The following DOCK2 variants were observed in gnomAD, a reference collection of about 807,000 sequenced individuals.
DOCK2 encodes the protein dedicator of cytokinesis 2, also known as dedicator of cytokinesis protein 2.
DOCK2 carries 87 observed loss-of-function variants against 248.9 expected under a neutral mutation model. The ratio of observed to expected loss-of-function variants is 0.35; its 90% CI spans 0.29 to 0.42. The LOEUF is 0.42. DOCK2 is among the 10% of genes least tolerant of loss of function. The pLI is 1.00. For synonymous variants in DOCK2, 805 were observed against 821.6 expected, an observed-to-expected ratio of 0.98 and a Z score of 0.35; for missense variants, 1,747 against 2,300.2, an observed-to-expected ratio of 0.76 and a Z score of 4.92.
In DOCK2 at chr5:169,881,439, G is replaced by A. The variant is rs530661281; in HGVS notation, c.2799+40587G>A. The A allele has an allele frequency of 3.2e-6, 5 of 1,551,416 alleles. No homozygotes were observed. In the East Asian group the frequency reaches 1.2e-4, roughly 38 times the overall value. On this transcript the variant is annotated intron_variant, in intron 27 of 51. Transcript: ENST00000520908. ...GATCTTGGCCAGTTCGATAAAAGTTGCGCCTGCAAGACAGAGCATTTGCTG... is the reference window on the plus strand; with the variant it reads ...GATCTTGGCCAGTTCGATAAAAGTTACGCCTGCAAGACAGAGCATTTGCTG...
chr5:169,734,673 T>C (rs1351665190), intron 22 of DOCK2, among the ~76,000 whole-genome samples: 1 of 152,210 alleles, frequency 6.6e-6, no homozygotes, highest in East Asian at 1.9e-4. Context: ...ACTGGAGATA[T>C]GTTTGCGTTT....
intron 27 of DOCK2, among the ~76,000 whole-genome samples, chr5:169,970,564 T>C (rs1335405315): frequency 1.3e-5 from 2 of 152,224 alleles, no homozygotes; most frequent in Non-Finnish European, 2.9e-5. Flanking sequence ...CCAACCTCTC[T>C]GGTCCATGGT....
intron 27 of DOCK2, among the ~76,000 whole-genome samples, chr5:169,854,764 A>G (rs1770802134): frequency 1.3e-5 from 2 of 152,248 alleles, no homozygotes; most frequent in Non-Finnish European, 2.9e-5. Flanking sequence ...AGGCAATTTG[A>G]GAAGCCCTTG....
intron 28 of DOCK2, among the ~76,000 whole-genome samples, chr5:169,984,982 G>C (rs1249010529): frequency 2.6e-5 from 4 of 152,098 alleles, no homozygotes; most frequent in Non-Finnish European, 4.4e-5. Context: ...GCAGTGGCAC[G>C]ATCTTGGCTC....
intron 9 of DOCK2, among the ~76,000 whole-genome samples, chr5:169,693,184 C>T (rs943921908): frequency 4.6e-5 from 7 of 151,914 alleles, no homozygotes; most frequent in Non-Finnish European, 1.0e-4. Context: ...AAGGAGGATT[C>T]AAGTTTTAAA....
intron 27 of DOCK2, among the ~76,000 whole-genome samples, chr5:169,971,507 G>A (rs1777509057): frequency 6.7e-6 from 1 of 148,620 alleles, no homozygotes; most frequent in African/African-American, 2.5e-5. Context: ...TCATTAATGT[G>A]AAACCTTGGA....
chr5:169,687,235 T>A (rs533712447), intron 8 of DOCK2, among the ~76,000 whole-genome samples: 18 of 152,244 alleles, frequency 1.2e-4, no homozygotes, highest in African/African-American at 1.7e-4. Context: ...ATAAAAAAAA[T>A]TTGCATGGAG....
At chr5:169,803,586 C>T (rs960856385) in intron 26 of DOCK2, among the ~76,000 whole-genome samples, 5 of 152,168 alleles carry the variant, frequency 3.3e-5, no homozygotes, top group African/African-American at 4.8e-5. Context: ...TGATTTACTT[C>T]GGTTTTGTTT....
At chr5:169,790,955 G>A (rs1766300543) in intron 25 of DOCK2, among the ~76,000 whole-genome samples, 1 of 152,058 alleles carries the variant, frequency 6.6e-6, no homozygotes, top group African/African-American at 2.4e-5. Flanking sequence ...AGGTGGTGAA[G>A]GTAAAGAAAC....
intron 32 of DOCK2, among the ~76,000 whole-genome samples, chr5:170,010,480 G>A (rs1230353431): frequency 1.3e-5 from 2 of 152,170 alleles, no homozygotes; most frequent in African/African-American, 4.8e-5. Flanking sequence ...AGGAGTAAGG[G>A]CCTGCGGCAG....
intron 25 of DOCK2, 129 bp from the exon 26 acceptor site, chr5:169,802,929 T>TCC (rs1767090194): frequency 8.5e-7 from 1 of 1,173,084 alleles, no homozygotes; most frequent in East Asian, 2.6e-5. Context: ...TAATCTTTAA[T>TCC]ATTTTAATTT....
intron 27 of DOCK2, among the ~76,000 whole-genome samples, chr5:169,854,688 T>C (rs1461509307): frequency 6.6e-6 from 1 of 152,372 alleles, no homozygotes; most frequent in East Asian, 1.9e-4. Context: ...TTCCTTGAAA[T>C]GTCTCCATTA....
intron 1 of DOCK2, among the ~76,000 whole-genome samples, chr5:169,638,432 C>T (rs899335368): frequency 6.6e-6 from 1 of 152,154 alleles, no homozygotes; most frequent in African/African-American, 2.4e-5. Flanking sequence ...AGCTTCTGCC[C>T]TTGAGGAGTT....
chr5:169,827,128 A>G (rs367812228), intron 26 of DOCK2, among the ~76,000 whole-genome samples: 278 of 152,294 alleles, frequency 1.8e-3, no homozygotes, highest in African/African-American at 6.1e-3. Context: ...GAACCTGGGC[A>G]TGAATATATT....
At chr5:169,738,425 G>A (rs1763151667) in intron 22 of DOCK2, among the ~76,000 whole-genome samples, 1 of 152,158 alleles carries the variant, frequency 6.6e-6, no homozygotes, top group African/African-American at 2.4e-5. Context: ...GGCTTTTGGG[G>A]TGGAATTAAT....
At chr5:169,719,677 C>T (rs920272821) in intron 22 of DOCK2, among the ~76,000 whole-genome samples, 4 of 152,094 alleles carry the variant, frequency 2.6e-5, no homozygotes, top group African/African-American at 4.8e-5. Flanking sequence ...GCAAGTTTTC[C>T]GACGCAGAGG....
At chr5:169,996,043 G>T (rs777630568) in intron 29 of DOCK2, 43 bp from the exon 30 acceptor site, 1 of 1,602,226 alleles carries the variant, frequency 6.2e-7, no homozygotes, top group Non-Finnish European at 8.5e-7. Flanking sequence ...GGAACTTAAG[G>T]GATCATGCTC....
At chr5:169,969,134 G>A (rs1777407275) in intron 27 of DOCK2, among the ~76,000 whole-genome samples, 1 of 151,812 alleles carries the variant, frequency 6.6e-6, no homozygotes, top group Non-Finnish European at 1.5e-5. Context: ...GGGTATCAAA[G>A]TGAGACTCTG....
chr5:169,773,254 G>C (rs2113776473), intron 25 of DOCK2: 1 of 152,268 alleles, frequency 6.6e-6, no homozygotes, highest in Admixed American at 6.5e-5. Flanking sequence ...ATTTATGAAA[G>C]TGTCTGTTGG....
Sources: allele counts gnomAD v4.1 joint callset (sites outside exome capture counted in the v4.1 genomes callset), GRCh38; gene constraint gnomAD v4.1.1; transcripts MANE v1.5; gene names NCBI Gene and HGNC (gene_info 2026-07-23, HGNC 2026-07-21).